The following BAG4 variants were observed in gnomAD, a reference collection of about 807,000 sequenced individuals.
BAG4 encodes BAG cochaperone 4, also known as BAG family molecular chaperone regulator 4.
A neutral mutation model predicts 52.1 loss-of-function variants in BAG4; 28 were observed. That is an observed-to-expected ratio of 0.54 (90% CI 0.40 to 0.74). BAG4 has a LOEUF of 0.74. Among genes scored for constraint, BAG4 ranks in the 30% least tolerant of loss-of-function variants. The pLI, the probability that BAG4 is intolerant of heterozygous loss-of-function variation, is 0.00. For missense variants in BAG4, 525 were observed against 572.0 expected, an observed-to-expected ratio of 0.92 and a Z score of 0.84; for synonymous variants, 208 against 217.0, an observed-to-expected ratio of 0.96 and a Z score of 0.37.
At chr8:38,201,834 TTATATATATATATATATATATA>T (rs1161588689) in intron 2 of BAG4, 6 of 45,166 alleles carry the variant, frequency 1.3e-4, no homozygotes, top group South Asian at 1.5e-3. Flanking sequence ...AGTGTGGAAT[TTATATATATATATATATATATA>T]TATATATATA....
chr8:38,209,433 T>C, intron 4 of BAG4, 166 bp downstream of exon 4: 1 of 800,214 alleles, frequency 1.2e-6, no homozygotes, highest in Non-Finnish European at 1.9e-6. Context: ...TTCTTTTTTT[T>C]AATAGACTTT....
chr8:38,180,273 A>G (rs1335036410), intron 1 of BAG4, among the ~76,000 whole-genome samples: 1 of 152,136 alleles, frequency 6.6e-6, no homozygotes, highest in East Asian at 1.9e-4. Context: ...CTGTAAACCC[A>G]GCACTTTGGG....
rs1367634918 is a variant in BAG4, at chr8:38,211,224, T to TA, written c.*732dup. On this transcript the variant is annotated 3_prime_UTR_variant, in exon 5 of 5. Transcript: ENST00000287322. ...CTTCTTTTTTTTTTTTTTTTTTTTT[T>TA]ACCACTTCTGCTGTTCATGGTAGTA... 8.1e-5 allele frequency: 12 copies of TA among 148,698 alleles called. No individual in the cohort carries two copies. Among genetic ancestry groups the TA allele is most frequent in the Non-Finnish European group, 1.3e-4 (9 of 67,244 alleles). 9.2% of individuals were successfully genotyped at this position (148,698 alleles called of 1,614,324 possible).
At chr8:38,208,894 G>T (rs1563285994) in intron 3 of BAG4, 119 bp from the exon 4 acceptor site, 11 of 1,214,190 alleles carry the variant, frequency 9.1e-6, no homozygotes, top group African/African-American at 1.5e-5. Flanking sequence ...GTTTAGTCCG[G>T]TAGCAGCTAA....
Position 38,207,655 on chromosome 8 carries a change from T to C in BAG4, c.522T>C (p.Arg174=), listed in dbSNP as rs1803795094. Residue 174 remains arginine, a synonymous_variant, in exon 3 of 5, where the codon CGT becomes CGC. Transcript: ENST00000287322. ...CCACAGAAGTTCCAAGTACTTACCG[T>C]TCATCTGGCAACAGCCCAACTCCAG... ...SYSTEVPSTY[R]SSGNSPTPVS... is the part of the protein sequence containing the mutation. The C allele has an allele frequency of 6.2e-7, 1 of 1,614,148 alleles. No individual in the cohort carries two copies.
intron 2 of BAG4, among the ~76,000 whole-genome samples, chr8:38,203,262 G>A (rs1054629533): frequency 6.6e-6 from 1 of 151,538 alleles, no homozygotes; most frequent in Non-Finnish European, 1.5e-5. Context: ...TGGCTTATGT[G>A]AAACTGCAGT....
intron 2 of BAG4, among the ~76,000 whole-genome samples, chr8:38,193,350 C>T (rs960144679): frequency 6.6e-6 from 1 of 151,556 alleles, no homozygotes; most frequent in Non-Finnish European, 1.5e-5. Context: ...ACCCAGGAGG[C>T]GGAGGTTGCA....
chr8:38,208,018 CTTT>C (rs33941853), intron 3 of BAG4, among the ~76,000 whole-genome samples: 2 of 141,478 alleles, frequency 1.4e-5, no homozygotes. Flanking sequence ...CTATCTTAGC[CTTT>C]TTTTTTTTTT....
intron 2 of BAG4, 55 bp from the exon 3 acceptor site, chr8:38,207,457 C>T: frequency 2.6e-6 from 4 of 1,563,410 alleles, no homozygotes; most frequent in Non-Finnish European, 3.5e-6. Context: ...TAAGTCAGGG[C>T]ATTTCAGCTC....
intron 1 of BAG4, among the ~76,000 whole-genome samples, chr8:38,178,560 C>T (rs1330166766): frequency 6.6e-6 from 1 of 152,242 alleles, no homozygotes; most frequent in Admixed American, 6.5e-5. Context: ...GACATAACGA[C>T]TGATGCATCG....
chr8:38,205,202 ATTTTTTTTT>A (rs35284937), intron 2 of BAG4, among the ~76,000 whole-genome samples: 9 of 79,314 alleles, frequency 1.1e-4, no homozygotes, highest in South Asian at 5.7e-4. Flanking sequence ...CAGCTAATTA[ATTTTTTTTT>A]TTTTTTTTTT....
At chr8:38,187,280 A>G (rs932468003) in intron 1 of BAG4, among the ~76,000 whole-genome samples, 5 of 152,226 alleles carry the variant, frequency 3.3e-5, no homozygotes, top group Non-Finnish European at 5.9e-5. Flanking sequence ...AAAGAAACAA[A>G]TAGAAATTCT....
At chr8:38,209,380 G>A in intron 4 of BAG4, 113 bp downstream of exon 4, 1 of 1,423,024 alleles carries the variant, frequency 7.0e-7, no homozygotes, top group Non-Finnish European at 9.5e-7. Context: ...ACAAAAAGTT[G>A]GTGACTACTT....
intron 4 of BAG4, chr8:38,209,692 T>G: frequency 2.7e-6 from 1 of 368,366 alleles, no homozygotes; most frequent in Non-Finnish European, 4.9e-6. Flanking sequence ...TTTTAACCTT[T>G]TAGGGGAAAA....
At position 38,204,853 on chromosome 8, in the gene BAG4, T is replaced by C. The variant is rs1042931540; in HGVS notation, c.379-2659T>C. Among the ~76,000 whole-genome samples the C allele has an allele frequency of 2.0e-5, 3 of 152,280 alleles. No individual in the cohort carries two copies. The East Asian group carries it at 5.8e-4, about 29-fold the overall frequency. ...TTTGAAGCAATTTCAGATATCATTT[T>C]ATCACTTATAAATACCTAAGTATGT... On this transcript the variant is annotated intron_variant, in intron 2 of 4. Transcript: ENST00000287322.
At chr8:38,207,277 A>ATT (rs1803786066) in intron 2 of BAG4, among the ~76,000 whole-genome samples, 1 of 151,346 alleles carries the variant, frequency 6.6e-6, no homozygotes, top group Non-Finnish European at 1.5e-5. Flanking sequence ...ATTTTATTTT[A>ATT]TTTTTGTAGA....
chr8:38,188,654 TATATACATGTATAC>T (rs1405338308), intron 1 of BAG4, among the ~76,000 whole-genome samples: 32 of 830 alleles, frequency 0.039, no homozygotes, highest in South Asian at 0.11. Flanking sequence ...CATGTATACA[TATATACATGTATAC>T]ATATACATGT....
intron 4 of BAG4, 81 bp from the exon 5 acceptor site, chr8:38,209,927 A>G (rs1803838229): frequency 6.6e-7 from 1 of 1,520,052 alleles, no homozygotes; most frequent in Admixed American, 2.0e-5. Context: ...TGGTCAAGTG[A>G]AAGATGTGGG....
intron 2 of BAG4, chr8:38,204,127 G>C (rs1477657206): frequency 6.6e-6 from 1 of 152,334 alleles, no homozygotes; most frequent in African/African-American, 2.4e-5. Flanking sequence ...TTTGTGATCT[G>C]TCAGGACAGT....
Sources: gnomAD v4.1 joint callset for allele counts (sites outside exome capture counted in the v4.1 genomes callset) on GRCh38, gnomAD v4.1.1 for gene constraint, MANE v1.5 for transcripts, NCBI Gene and HGNC (gene_info 2026-07-23, HGNC 2026-07-21) for gene names.